CSRNP3: variants seen among roughly 807,000 people sequenced by gnomAD.
The protein encoded by CSRNP3 is cysteine/serine-rich nuclear protein 3.
CSRNP3 carries 12 observed loss-of-function variants against 48.0 expected under a neutral mutation model. That is an observed-to-expected ratio of 0.25 (90% CI 0.16 to 0.41). The LOEUF (loss-of-function observed/expected upper bound fraction) is 0.41. CSRNP3 is among the 10% of genes least tolerant of loss of function. CSRNP3 has a pLI of 1.00. For missense variants in CSRNP3, 580 were observed against 724.4 expected, an observed-to-expected ratio of 0.80 and a Z score of 2.29; for synonymous variants, 263 against 269.7, an observed-to-expected ratio of 0.98 and a Z score of 0.24.
intron 4 of CSRNP3, among the ~76,000 whole-genome samples, chr2:165,645,577 A>G (rs1300551735): frequency 6.6e-6 from 1 of 152,172 alleles, no homozygotes; most frequent in Non-Finnish European, 1.5e-5. Flanking sequence ...TAGAAAAATC[A>G]CAGTTATAGT....
rs766090032 is a variant in CSRNP3 at position 165,595,216 on chromosome 2, G to A, written c.148+3G>A. The A allele has an allele frequency of 3.1e-6, 5 of 1,605,892 alleles. No individual in the cohort carries two copies. In the South Asian group the frequency reaches 5.6e-5, roughly 18 times the overall value. On this transcript the variant is annotated splice_donor_region_variant and intron_variant, in intron 4 of 6. Coordinates refer to ENST00000651982, the MANE Select transcript of CSRNP3 (RefSeq NM_001172173.2). The stretch of plus-strand genomic sequence containing the variant: ...ATCCACTTCTAGTCATTTTACCCGT[G>A]AGTACTGAAATCAGAACCGAAGTCA...
intron 4 of CSRNP3, among the ~76,000 whole-genome samples, chr2:165,616,416 G>A (rs1292670667): frequency 6.6e-6 from 1 of 151,994 alleles, no homozygotes; most frequent in Non-Finnish European, 1.5e-5. Flanking sequence ...TTTACTTCCA[G>A]ATGTTAGACT....
At chr2:165,620,125 C>T (rs768152550) in intron 4 of CSRNP3, among the ~76,000 whole-genome samples, 17 of 152,040 alleles carry the variant, frequency 1.1e-4, no homozygotes, top group Non-Finnish European at 2.1e-4. Context: ...ATAATTGTTG[C>T]AAGACAAAGC....
intron 4 of CSRNP3, among the ~76,000 whole-genome samples, chr2:165,634,636 C>G (rs1212315231): frequency 3.9e-5 from 6 of 152,128 alleles, no homozygotes; most frequent in Admixed American, 3.3e-4. Flanking sequence ...GAAAGGATCT[C>G]AGAGAAAGGG....
chr2:165,578,801 G>A (rs757293284), intron 3 of CSRNP3, among the ~76,000 whole-genome samples: 8 of 151,990 alleles, frequency 5.3e-5, no homozygotes, highest in East Asian at 1.9e-4. Context: ...AAGCTATATC[G>A]TGGAATGTGA....
At chr2:165,604,073 A>G (rs1685969633) in intron 4 of CSRNP3, among the ~76,000 whole-genome samples, 1 of 152,206 alleles carries the variant, frequency 6.6e-6, no homozygotes, top group African/African-American at 2.4e-5. Context: ...TGAATGAGTG[A>G]ATGGATATTT....
intron 5 of CSRNP3, among the ~76,000 whole-genome samples, chr2:165,658,478 C>T (rs11900259): frequency 8.3e-4 from 127 of 152,108 alleles, no homozygotes; most frequent in African/African-American, 3.0e-3. Flanking sequence ...AAAGCTTTCT[C>T]AAGGAAGTGA....
chr2:165,474,151 T>C lies in CSRNP3; in HGVS notation c.-283+4411T>C, dbSNP rs567691212. ...TGCACATTCATAAAAATGACATTATTTTAAACAAAAATCACCAACACTATC... is the reference window on the plus strand; with the variant it reads ...TGCACATTCATAAAAATGACATTATCTTAAACAAAAATCACCAACACTATC... On this transcript the variant is annotated intron_variant, in intron 1 of 6. Transcript: ENST00000651982. Among the ~76,000 whole-genome samples the C allele has an allele frequency of 2.0e-5, 3 of 152,284 alleles. No individual in the cohort carries two copies. The South Asian group carries it at 6.2e-4, about 32-fold the overall frequency.
At position 165,581,210 on chromosome 2, in the gene CSRNP3, T is replaced by G. The variant is rs144551743; in HGVS notation, c.-23-13833T>G. On this transcript the variant is annotated intron_variant, in intron 3 of 6. Transcript: ENST00000651982. ...GATCAATGTTTAGGGCCAAGAGGCA[T>G]TCAAAACCAAGTTCTGGCCATCTTG... 9.3e-4 allele frequency among the ~76,000 whole-genome samples: 141 copies of G among 152,318 alleles called. 1 individual carries two copies. In the East Asian group the frequency reaches 0.025, roughly 27 times the overall value.
intron 3 of CSRNP3, among the ~76,000 whole-genome samples, chr2:165,537,039 C>T (rs2105248862): frequency 6.6e-6 from 1 of 151,782 alleles, no homozygotes; most frequent in Non-Finnish European, 1.5e-5. Flanking sequence ...CTCTGCCTTC[C>T]CTTTCCTCCC....
chr2:165,666,871 G>GAA (rs1687225427), intron 5 of CSRNP3, among the ~76,000 whole-genome samples: 5 of 91,254 alleles, frequency 5.5e-5, no homozygotes, highest in African/African-American at 6.7e-5. Flanking sequence ...GAGTAAGAAA[G>GAA]AGAGAGAGGA....
At chr2:165,522,921 C>T (rs1286957607) in intron 3 of CSRNP3, among the ~76,000 whole-genome samples, 1 of 152,034 alleles carries the variant, frequency 6.6e-6, no homozygotes, top group African/African-American at 2.4e-5. Context: ...TTATGGTGTT[C>T]TAATCTGAGG....
chr2:165,481,741 G>A lies in CSRNP3; in HGVS notation c.-283+12001G>A, dbSNP rs557447008. On this transcript the variant is annotated intron_variant, in intron 1 of 6. Transcript: ENST00000651982. ...AAAATATGTACCAGTGGGGTAGGGA[G>A]TATGGAAATTAGAACACCTACAACA... 1.5e-4 allele frequency among the ~76,000 whole-genome samples: 23 copies of A among 152,260 alleles called. No individual in the cohort carries two copies. In the South Asian group the frequency reaches 4.6e-3, roughly 30 times the overall value.
At chr2:165,580,520 A>G (rs1055935841) in intron 3 of CSRNP3, among the ~76,000 whole-genome samples, 17 of 152,000 alleles carry the variant, frequency 1.1e-4, no homozygotes, top group Admixed American at 3.9e-4. Context: ...AATCTCCTTT[A>G]TTTTTTGTGC....
At chr2:165,550,441 A>G (rs1219855059) in intron 3 of CSRNP3, among the ~76,000 whole-genome samples, 1 of 152,216 alleles carries the variant, frequency 6.6e-6, no homozygotes, top group African/African-American at 2.4e-5. Context: ...TAACAGCTCA[A>G]TTAAGTGCCA....
At chr2:165,674,855 C>A (rs1687397386) in intron 5 of CSRNP3, among the ~76,000 whole-genome samples, 1 of 151,468 alleles carries the variant, frequency 6.6e-6, no homozygotes, top group Admixed American at 6.6e-5. Context: ...GGACTACAGG[C>A]ACCCACCACC....
In CSRNP3 at chr2:165,676,405, G is replaced by A. The variant is rs747967435; in HGVS notation, c.502G>A (p.Val168Ile). 1.2e-6 allele frequency: 2 copies of A among 1,614,036 alleles called. No individual in the cohort carries two copies. Among genetic ancestry groups the A allele is most frequent in the Admixed American group, 1.7e-5 (1 of 60,014 alleles). Residue 168 changes from valine (V) to isoleucine (I), a missense_variant, in exon 6 of 7, where the codon GTA becomes ATA. Val to Ile is a conservative substitution (Grantham distance 29, BLOSUM62 3). Around this residue, in one of 4 missense-constraint regions of CSRNP3, gnomAD observed 62 missense variants for 66.4 expected, o/e 0.93. Transcript: ENST00000651982. ...TGACATTGACCTGGACAACACAGAG[G>A]TAGATGAGTACTTCTTCCTACAACC... ...DDDIDLDNTE[V>I]DEYFFLQPLP...
chr2:165,673,131 C>CTTTT lies in CSRNP3; in HGVS notation c.409-3160_409-3157dup, dbSNP rs3032370. On this transcript the variant is annotated intron_variant, in intron 5 of 6. Coordinates refer to ENST00000651982, the MANE Select transcript of CSRNP3 (RefSeq NM_001172173.2). ...AGCAAGAGTGAAACAGTATGTAGCT[C>CTTTT]TTTTTTTTTTTTTTTTTTTTTTTTG... is the stretch of plus-strand genomic sequence containing the variant. 9.2e-3 allele frequency among the ~76,000 whole-genome samples: 616 copies of CTTTT among 67,104 alleles called. 105 individuals carry two copies. Among genetic ancestry groups the CTTTT allele is most frequent in the African/African-American group, 0.023 (394 of 16,960 alleles). 44.0% of individuals were successfully genotyped at this position (67,104 alleles called of 152,430 possible). A position where few individuals can be genotyped will look rare whatever the true frequency, so the allele number is the denominator to read the frequency against.
At chr2:165,549,918 G>A (rs936197731) in intron 3 of CSRNP3, among the ~76,000 whole-genome samples, 1 of 152,128 alleles carries the variant, frequency 6.6e-6, no homozygotes, top group African/African-American at 2.4e-5. Flanking sequence ...TATCAGTTCA[G>A]TCCTTGGTTT....
Sources: gnomAD v4.1 joint callset for allele counts (sites outside exome capture counted in the v4.1 genomes callset) on GRCh38, gnomAD v4.1.1 for gene constraint, gnomAD v4.1.1 regional missense constraint, MANE v1.5 for transcripts, NCBI Gene and HGNC (gene_info 2026-07-23, HGNC 2026-07-21) for gene names.